VAV3: variants seen among roughly 807,000 people sequenced by gnomAD.
VAV3 encodes guanine nucleotide exchange factor VAV3.
Under a neutral mutation model 131.2 loss-of-function variants are expected in VAV3, and 94 were observed. The observed-to-expected ratio is 0.72, with a 90% CI of 0.61 to 0.85. The LOEUF is 0.85. Among genes scored for constraint, VAV3 ranks in the 40% least tolerant of loss-of-function variants. The pLI, the probability that VAV3 is intolerant of heterozygous loss-of-function variation, is 0.00. For missense variants in VAV3, 939 were observed against 1,002.7 expected (o/e 0.94, Z 0.86); for synonymous variants, 349 against 342.0 (o/e 1.02, Z -0.22).
intron 2 of VAV3, among the ~76,000 whole-genome samples, chr1:107,815,822 AC>A (rs1265937279): frequency 3.9e-5 from 6 of 152,018 alleles, no homozygotes; most frequent in African/African-American, 1.5e-4. Flanking sequence ...ACAGTCTCCA[AC>A]CTTTTTGGTA....
chr1:107,729,307 C>A (rs939091912), intron 15 of VAV3, among the ~76,000 whole-genome samples: 5 of 152,018 alleles, frequency 3.3e-5, no homozygotes, highest in African/African-American at 1.2e-4. Flanking sequence ...TTCTGACCAA[C>A]AAGTCATTAG....
chr1:107,755,454 T>C lies in VAV3; in HGVS notation c.1146A>G (p.Lys382=). ...KRDNETLREI[K]QFQLSIENLN... is the part of the protein sequence containing the mutation. ...AATTCTCTATAGATAGCTGAAACTG[T>C]TTAATTTCACGAAGGGTCTCATTAT... The change falls in exon 12 of 27, where the codon AAA becomes AAG. Residue 382 remains lysine, a synonymous_variant. Transcript: ENST00000370056. The C allele has an allele frequency of 1.2e-6, 2 of 1,613,486 alleles. No individual in the cohort carries two copies. Among genetic ancestry groups the C allele is most frequent in the South Asian group, 1.1e-5 (1 of 91,030 alleles).
intron 1 of VAV3, among the ~76,000 whole-genome samples, chr1:107,883,904 G>A (rs1263377586): frequency 1.3e-5 from 2 of 152,146 alleles, no homozygotes; most frequent in African/African-American, 2.4e-5. Flanking sequence ...CATACAAAAG[G>A]AAGACAAGCA....
chr1:107,601,015 G>C (rs901304819), intron 24 of VAV3, among the ~76,000 whole-genome samples: 1 of 152,112 alleles, frequency 6.6e-6, no homozygotes, highest in African/African-American at 2.4e-5. Context: ...GCTCAAGCTG[G>C]TACGTCTTGC....
chr1:107,922,964 GA>G (rs67666662), intron 1 of VAV3, among the ~76,000 whole-genome samples: 91,655 of 134,206 alleles, frequency 0.68, 31,282 homozygotes, highest in Middle Eastern at 0.83. Flanking sequence ...AAAAAAAAAA[GA>G]AAAAAAAAAA....
chr1:107,842,479 G>A (rs1173629197), intron 2 of VAV3, among the ~76,000 whole-genome samples: 3 of 152,134 alleles, frequency 2.0e-5, no homozygotes, highest in African/African-American at 7.2e-5. Flanking sequence ...GAGCCAAACT[G>A]GAAATTGTTT....
At chr1:107,638,928 A>T (rs1408971595) in intron 20 of VAV3, among the ~76,000 whole-genome samples, 1 of 152,080 alleles carries the variant, frequency 6.6e-6, no homozygotes, top group East Asian at 1.9e-4. Context: ...ACACACATAT[A>T]AAGATACACA....
intron 15 of VAV3, among the ~76,000 whole-genome samples, chr1:107,724,148 T>C (rs1661688941): frequency 6.6e-6 from 1 of 152,050 alleles, no homozygotes; most frequent in South Asian, 2.1e-4. Flanking sequence ...CCAATCATAG[T>C]ATTTCATCAT....
intron 17 of VAV3, among the ~76,000 whole-genome samples, chr1:107,699,574 C>G (rs768524509): frequency 2.0e-5 from 3 of 152,184 alleles, no homozygotes; most frequent in African/African-American, 7.2e-5. Flanking sequence ...AGTGGGGACT[C>G]TGTGTGGGAG....
intron 12 of VAV3, among the ~76,000 whole-genome samples, chr1:107,753,999 G>A (rs1222548592): frequency 6.6e-6 from 1 of 152,128 alleles, no homozygotes; most frequent in African/African-American, 2.4e-5. Flanking sequence ...AAATTTGATA[G>A]GGAATAGGAA....
chr1:107,958,736 T>C (rs1437736303), intron 1 of VAV3, among the ~76,000 whole-genome samples: 2 of 152,196 alleles, frequency 1.3e-5, no homozygotes, highest in African/African-American at 4.8e-5. Context: ...CATCAACCCG[T>C]CATCTACGTT....
chr1:107,956,896 C>A (rs72985462), intron 1 of VAV3, among the ~76,000 whole-genome samples: 20,698 of 151,572 alleles, frequency 0.14, 2,017 homozygotes, highest in African/African-American at 0.27. Context: ...AATCGAGGGA[C>A]GTCAAGGAAT....
chr1:107,774,596 C>T (rs966987774), intron 4 of VAV3, among the ~76,000 whole-genome samples: 6 of 152,104 alleles, frequency 3.9e-5, no homozygotes, highest in Non-Finnish European at 7.4e-5. Context: ...GTCAATAAAT[C>T]AAAAACAATC....
chr1:107,619,479 C>G (rs1653408130), intron 20 of VAV3, among the ~76,000 whole-genome samples: 1 of 152,028 alleles, frequency 6.6e-6, no homozygotes, highest in African/African-American at 2.4e-5. Flanking sequence ...GGGACTATAC[C>G]ACTAGCCAGA....
chr1:107,926,211 G>A (rs1414130059), intron 1 of VAV3, among the ~76,000 whole-genome samples: 2 of 152,222 alleles, frequency 1.3e-5, no homozygotes, highest in South Asian at 2.1e-4. Context: ...GAACCCGGGA[G>A]TGGAGGTTGC....
chr1:107,828,164 G>T (rs1668094162), intron 2 of VAV3, among the ~76,000 whole-genome samples: 1 of 152,188 alleles, frequency 6.6e-6, no homozygotes, highest in Admixed American at 6.5e-5. Flanking sequence ...AACATCTGGT[G>T]CTCAGACATC....
rs138020928 is a variant in VAV3, at chr1:107,753,016, C to T, written c.1174-1814G>A. Among the ~76,000 whole-genome samples, 151 of 152,074 alleles carry T rather than the reference C, an allele frequency of 9.9e-4. 1 individual carries two copies. The highest frequency in any genetic ancestry group is 3.1e-3 in the African/African-American group (128 of 41,472). The stretch of plus-strand genomic sequence containing the variant: ...TACACCTGTGACAATAATAATATAA[C>T]AGTATTATTCACAATAGCTGAAAGA... On this transcript the variant is annotated intron_variant, in intron 12 of 26. Coordinates refer to ENST00000370056, the MANE Select transcript of VAV3 (RefSeq NM_006113.5).
At chr1:107,580,420 A>T (rs1043554363) in intron 25 of VAV3, among the ~76,000 whole-genome samples, 3 of 150,470 alleles carry the variant, frequency 2.0e-5, no homozygotes, top group Admixed American at 6.7e-5. Context: ...AATAACTATT[A>T]TTTTTTTTTT....
At chr1:107,815,877 C>A (rs975736513) in intron 2 of VAV3, among the ~76,000 whole-genome samples, 1 of 152,036 alleles carries the variant, frequency 6.6e-6, no homozygotes, top group Non-Finnish European at 1.5e-5. Context: ...AGACCCGTGG[C>A]GGGGTGTGGA....
Sources: allele counts gnomAD v4.1 joint callset (sites outside exome capture counted in the v4.1 genomes callset), GRCh38; gene constraint gnomAD v4.1.1; transcripts MANE v1.5; gene names NCBI Gene and HGNC (gene_info 2026-07-23, HGNC 2026-07-21).